The following PNPLA5 variants were observed in gnomAD, a reference collection of about 807,000 sequenced individuals.
The protein encoded by PNPLA5 is patatin like domain 5, triacylglycerol lipase, also known as patatin-like phospholipase domain-containing protein 5.
In PNPLA5, 44 loss-of-function variants were observed where a neutral mutation model predicts 49.1. That is an observed-to-expected ratio of 0.90 (90% CI 0.70 to 1.15). The LOEUF (loss-of-function observed/expected upper bound fraction) is 1.15, where lower values mean the gene tolerates loss of function less well. PNPLA5 is among the 50% of genes most tolerant of loss of function. The probability of loss-of-function intolerance (pLI) is 0.00; values close to 1 mark genes in which losing one functional copy is unlikely to be tolerated. For synonymous variants in PNPLA5, 243 were observed against 244.4 expected (o/e 0.99, Z 0.06); for missense variants, 603 against 564.0 (o/e 1.07, Z -0.70).
In PNPLA5 at chr22:43,889,529, C is replaced by T. The variant is rs1332653877; in HGVS notation, c.502G>A (p.Asp168Asn). Reference protein sequence around the residue: ...PPEFRGERYIDGALSNNLPFA... With the variant: ...PPEFRGERYINGALSNNLPFA... ...GGCAAGTTGTTGCTCAGAGCCCCATCGATGTAGCGCTGCAATTTGTGGGGA... is the reference window on the plus strand; with the variant it reads ...GGCAAGTTGTTGCTCAGAGCCCCATTGATGTAGCGCTGCAATTTGTGGGGA... Residue 168 changes from aspartate to asparagine, a missense_variant, in exon 4 of 9, where the codon GAT becomes AAT. Asp to Asn is a conservative substitution (Grantham distance 23). Coordinates refer to ENST00000216177, the MANE Select transcript of PNPLA5 (RefSeq NM_138814.4). 8.7e-6 allele frequency: 14 copies of T among 1,605,516 alleles called. No homozygotes were observed. Among genetic ancestry groups the T allele is most frequent in the Admixed American group, 1.7e-5 (1 of 59,474 alleles).
intron 7 of PNPLA5, among the ~76,000 whole-genome samples, chr22:43,883,796 G>A (rs1365179121): frequency 6.7e-6 from 1 of 149,866 alleles, no homozygotes; most frequent in African/African-American, 2.5e-5. Flanking sequence ...GGGCAATAGA[G>A]TGAGACTCTG....
At position 43,891,257 on chromosome 22, in the gene PNPLA5, C is replaced by G. The variant is rs1313572111; in HGVS notation, c.231G>C (p.Gln77His). 1 of 1,559,644 alleles carries G rather than the reference C, an allele frequency of 6.4e-7. No homozygotes were observed. Among genetic ancestry groups the G allele is most frequent in the South Asian group, 1.2e-5 (1 of 83,170 alleles). The change falls in exon 2 of 9, where the codon CAG becomes CAC. Residue 77 changes from glutamine to histidine, a missense_variant. Coordinates refer to ENST00000216177, the MANE Select transcript of PNPLA5 (RefSeq NM_138814.4). ...CCSHLLGMVGQLERLSLSILH... is the reference protein window; with the variant it reads ...CCSHLLGMVGHLERLSLSILH... ...GGATGCTTAGGCTCAGCCGCTCCAA[C>G]TGCCCAACCATGCCCAGGAGGTGGG...
intron 8 of PNPLA5, among the ~76,000 whole-genome samples, 179 bp downstream of exon 8, chr22:43,881,379 G>A (rs939783358): frequency 1.3e-5 from 2 of 152,202 alleles, no homozygotes; most frequent in African/African-American, 2.4e-5. Flanking sequence ...AGCACAGGTC[G>A]GGCGCACAGC....
At chr22:43,887,905 CT>C (rs777463558) in intron 4 of PNPLA5, among the ~76,000 whole-genome samples, 1 of 152,240 alleles carries the variant, frequency 6.6e-6, no homozygotes, top group African/African-American at 2.4e-5. Flanking sequence ...CATCTCCCCC[CT>C]GAGACACCCT....
intron 8 of PNPLA5, 163 bp from the exon 9 acceptor site, chr22:43,881,048 C>G (rs2049604933): frequency 1.0e-6 from 1 of 968,536 alleles, no homozygotes; most frequent in Admixed American, 6.2e-5. Context: ...CTGGAAGTGT[C>G]AGGGAGGTCC....
In PNPLA5 at chr22:43,881,649, G is replaced by A. The variant is rs961198990; in HGVS notation, c.1108C>T (p.Pro370Ser). 3.1e-6 allele frequency: 5 copies of A among 1,613,640 alleles called. No homozygotes were observed. The Admixed American group carries it at 6.7e-5, about 22-fold the overall frequency. The change falls in exon 8 of 9, where the codon CCG becomes TCG. Residue 370 changes from proline (P) to serine (S), a missense_variant. Physicochemically the swap from Pro to Ser is moderately conservative, Grantham distance 74 (BLOSUM62 -1). Coordinates refer to ENST00000216177, the MANE Select transcript of PNPLA5 (RefSeq NM_138814.4). ...CCCTGCATCCACCACAAGTCCGCCG[G>A]CACATCGGGCAGCCACACCACCAAC... ...RRLVVWLPDV[P>S]ADLWWMQGLL...
chr22:43,884,316 T>G lies in PNPLA5; in HGVS notation c.979A>C (p.Ser327Arg). The G allele has an allele frequency of 6.3e-7, 1 of 1,596,460 alleles. No individual in the cohort carries two copies. The highest frequency in any genetic ancestry group is 8.5e-7 in the Non-Finnish European group (1 of 1,171,108). Residue 327 changes from serine to arginine, a missense_variant, in exon 7 of 9, where the codon AGC becomes CGC. Physicochemically the swap from Ser to Arg is moderately radical, Grantham distance 110. Coordinates refer to ENST00000216177, the MANE Select transcript of PNPLA5 (RefSeq NM_138814.4). Reference protein sequence around the residue: ...ALKKACTRDPSRWARFWHSGP... With the variant: ...ALKKACTRDPRRWARFWHSGP... ...GAGTGCCAGAAGCGGGCCCACCGGC[T>G]GGGATCCCTCGTACATGCTTTCTTC...
intron 6 of PNPLA5, among the ~76,000 whole-genome samples, chr22:43,885,016 C>G (rs1331152289): frequency 6.6e-6 from 1 of 152,222 alleles, no homozygotes; most frequent in Non-Finnish European, 1.5e-5. Context: ...TGTCCTAGGA[C>G]GAGTCCTAGC....
In PNPLA5 at chr22:43,884,106, C is replaced by G. The variant is rs979883002; in HGVS notation, c.1082+107G>C. ...GTGGGGACACCAGCCGGGCTCCCCC[C>G]ACCCCGCCGAGCCCTACCCACCCAG... On this transcript the variant is annotated intron_variant, in intron 7 of 8. Coordinates refer to ENST00000216177, the MANE Select transcript of PNPLA5 (RefSeq NM_138814.4). 2.1e-5 allele frequency: 20 copies of G among 943,240 alleles called. 2 individuals are homozygous for G. The highest frequency in any genetic ancestry group is 2.8e-5 in the Non-Finnish European group (18 of 651,660). The allele number at this position is 943,240 out of a possible 1,614,324, so 58.4% of individuals were successfully genotyped here.
rs548757756 is a variant in PNPLA5, at chr22:43,887,384, T to A, written c.763+207A>T. 8.5e-5 allele frequency among the ~76,000 whole-genome samples: 13 copies of A among 152,328 alleles called. No individual in the cohort carries two copies. The East Asian group carries it at 1.4e-3, about 16-fold the overall frequency. ...TTGTCTCTCTCTGAGTCTGTCCCCC[T>A]GTACCAGGCTGCGGGCTGCTCAACA... On this transcript the variant is annotated intron_variant, in intron 5 of 8. Transcript: ENST00000216177.
intron 2 of PNPLA5, 122 bp downstream of exon 2, chr22:43,890,940 G>C: frequency 2.3e-6 from 3 of 1,298,162 alleles, no homozygotes; most frequent in Non-Finnish European, 3.1e-6. Flanking sequence ...CTACAAACAG[G>C]TCCACCCGCC....
intron 5 of PNPLA5, among the ~76,000 whole-genome samples, chr22:43,887,279 AC>A (rs1402623171): frequency 1.3e-5 from 2 of 150,742 alleles, no homozygotes; most frequent in African/African-American, 2.4e-5. Flanking sequence ...CCTACCCCCA[AC>A]CCCCAGGCTG....
At chr22:43,882,207 C>T (rs1381541877) in intron 7 of PNPLA5, among the ~76,000 whole-genome samples, 5 of 152,236 alleles carry the variant, frequency 3.3e-5, no homozygotes, top group Admixed American at 2.0e-4. Flanking sequence ...AAACAGCTGA[C>T]AGAGCCCCCT....
chr22:43,884,498 G>T (rs1472790375), intron 6 of PNPLA5, 153 bp from the exon 7 acceptor site: 3 of 772,518 alleles, frequency 3.9e-6, no homozygotes, highest in East Asian at 1.3e-4. Context: ...AGGCCAGCAG[G>T]TAGCTCTGCG....
At chr22:43,891,666 G>GC (rs1569507682) in intron 1 of PNPLA5, 22 bp downstream of exon 1, 11 of 1,525,144 alleles carry the variant, frequency 7.2e-6, no homozygotes, top group East Asian at 5.0e-5. Flanking sequence ...GCCCCTTTTC[G>GC]CCCCCGCGGT....
At chr22:43,885,138 C>A (rs543496012) in intron 6 of PNPLA5, among the ~76,000 whole-genome samples, 9 of 152,356 alleles carry the variant, frequency 5.9e-5, no homozygotes, top group Admixed American at 2.0e-4. Flanking sequence ...GCGCAGCGCC[C>A]AGGAGTTGGT....
chr22:43,889,010 C>G (rs1035745317), intron 4 of PNPLA5, among the ~76,000 whole-genome samples: 1 of 152,198 alleles, frequency 6.6e-6, no homozygotes, highest in Non-Finnish European at 1.5e-5. Context: ...GAAATGATAA[C>G]GGTACCTGCC....
chr22:43,884,050 G>T (rs1230305981), intron 7 of PNPLA5, among the ~76,000 whole-genome samples, 163 bp downstream of exon 7: 2 of 152,056 alleles, frequency 1.3e-5, no homozygotes, highest in Non-Finnish European at 2.9e-5. Flanking sequence ...GATCACAGAG[G>T]CTCTGAGTCA....
chr22:43,889,968 A>T, intron 2 of PNPLA5, 104 bp from the exon 3 acceptor site: 4 of 1,515,512 alleles, frequency 2.6e-6, no homozygotes, highest in Non-Finnish European at 3.6e-6. Flanking sequence ...AGGAGGTGTC[A>T]TCAGTCCCAC....
Sources: gnomAD v4.1 joint callset for allele counts (sites outside exome capture counted in the v4.1 genomes callset) on GRCh38, gnomAD v4.1.1 for gene constraint, MANE v1.5 for transcripts, NCBI Gene and HGNC (gene_info 2026-07-23, HGNC 2026-07-21) for gene names.